The following CSMD3 variants were observed in gnomAD, a reference collection of about 807,000 sequenced individuals.
CSMD3 encodes CUB and Sushi multiple domains 3.
CSMD3 carries 177 observed loss-of-function variants against 435.2 expected under a neutral mutation model. The observed-to-expected ratio is 0.41, with a 90% confidence interval of 0.36 to 0.46. The LOEUF (loss-of-function observed/expected upper bound fraction) is 0.46, where lower values mean the gene tolerates loss of function less well. CSMD3 is among the 20% of genes least tolerant of loss of function. CSMD3 has a pLI of 0.34. For synonymous variants in CSMD3, 1,656 were observed against 1,520.5 expected (o/e 1.09, Z -2.07); for missense variants, 4,265 against 4,504.6 (o/e 0.95, Z 1.52).
At chr8:113,025,150 C>A (rs2086828709) in intron 5 of CSMD3, among the ~76,000 whole-genome samples, 1 of 152,012 alleles carries the variant, frequency 6.6e-6, no homozygotes, top group East Asian at 1.9e-4. Flanking sequence ...CTTTTGTGTT[C>A]CTTTGGAAGG....
rs141864323 is a variant in CSMD3 at position 112,467,596 on chromosome 8, C to T, written c.5395+4995G>A. Among the ~76,000 whole-genome samples, 151 of 152,000 alleles carry T rather than the reference C, an allele frequency of 9.9e-4. 1 individual carries two copies. The highest frequency in any genetic ancestry group is 1.6e-3 in the Non-Finnish European group (111 of 67,968). On this transcript the variant is annotated intron_variant, in intron 32 of 70. Coordinates refer to ENST00000297405, the MANE Select transcript of CSMD3 (RefSeq NM_198123.2). ...CAAAATTTATGTTCACCAAGAAGCC[C>T]GGAATGTCACCATATCTGGAAACAG...
At chr8:113,026,238 C>T (rs1473109778) in intron 5 of CSMD3, among the ~76,000 whole-genome samples, 1 of 152,202 alleles carries the variant, frequency 6.6e-6, no homozygotes, top group Non-Finnish European at 1.5e-5. Flanking sequence ...AAAGAAGTCT[C>T]TCCCATCCCC....
intron 32 of CSMD3, among the ~76,000 whole-genome samples, chr8:112,410,704 A>ATATATATATGTATATATATATGTGTG (rs1811229860): frequency 1.7e-5 from 2 of 116,216 alleles, no homozygotes; most frequent in South Asian, 2.6e-4. Context: ...ATATATGTGT[A>ATATATATATGTATATATATATGTGTG]TATATATATA....
chr8:112,398,593 G>A (rs1042123578), intron 35 of CSMD3, among the ~76,000 whole-genome samples: 4 of 152,140 alleles, frequency 2.6e-5, no homozygotes, highest in African/African-American at 9.7e-5. Flanking sequence ...ATTGGGTACC[G>A]AGCATGGTGA....
At chr8:113,395,836 A>T (rs1003316303) in intron 1 of CSMD3, among the ~76,000 whole-genome samples, 6 of 152,068 alleles carry the variant, frequency 3.9e-5, no homozygotes, top group African/African-American at 1.4e-4. Context: ...ATTTGAAATT[A>T]CCTTAAATTA....
chr8:113,057,385 G>A (rs1191485629), intron 5 of CSMD3, among the ~76,000 whole-genome samples: 1 of 152,016 alleles, frequency 6.6e-6, no homozygotes, highest in African/African-American at 2.4e-5. Flanking sequence ...TGAAAAGAAT[G>A]TTTAGTATCA....
intron 1 of CSMD3, among the ~76,000 whole-genome samples, chr8:113,378,609 G>A (rs1445185718): frequency 5.3e-5 from 8 of 152,214 alleles, no homozygotes; most frequent in Non-Finnish European, 1.0e-4. Flanking sequence ...AACCTAAAAA[G>A]AGCCTTGTTT....
chr8:113,346,708 A>C (rs1452552393), intron 1 of CSMD3, among the ~76,000 whole-genome samples: 2 of 122,310 alleles, frequency 1.6e-5, no homozygotes, highest in African/African-American at 5.4e-5. Flanking sequence ...AAAATATCTG[A>C]GAGAAATACA....
chr8:112,501,742 T>G (rs150386679), intron 30 of CSMD3, among the ~76,000 whole-genome samples: 2 of 152,226 alleles, frequency 1.3e-5, no homozygotes, highest in Non-Finnish European at 2.9e-5. Context: ...TGTAAAAGAA[T>G]GTTCATTTCA....
chr8:113,154,692 AG>A (rs1208608734), intron 4 of CSMD3, among the ~76,000 whole-genome samples: 1 of 152,066 alleles, frequency 6.6e-6, no homozygotes, highest in Non-Finnish European at 1.5e-5. Context: ...AGTGGATAAA[AG>A]AATGGAATGC....
intron 23 of CSMD3, among the ~76,000 whole-genome samples, chr8:112,575,744 C>G (rs762592819): frequency 6.6e-6 from 1 of 152,052 alleles, no homozygotes; most frequent in Non-Finnish European, 1.5e-5. Context: ...GAATAGTAGT[C>G]ATTGGGATAA....
intron 1 of CSMD3, among the ~76,000 whole-genome samples, chr8:113,403,456 A>T (rs536672927): frequency 1.0e-3 from 159 of 151,464 alleles, no homozygotes; most frequent in Non-Finnish European, 1.8e-3. Context: ...AAAATGCAGA[A>T]ATTTTGAAAA....
In CSMD3 at chr8:112,632,884, G is replaced by A. The variant is rs1385241646; in HGVS notation, c.3715+3933C>T. 2.0e-5 allele frequency among the ~76,000 whole-genome samples: 3 copies of A among 151,626 alleles called. No individual in the cohort carries two copies. In the East Asian group the frequency reaches 5.8e-4, roughly 29 times the overall value. On this transcript the variant is annotated intron_variant, in intron 22 of 70. Transcript: ENST00000297405. ...GGGTATTTGGTTGCCACTTAAACAA[G>A]TGATCAGATATTCATTCCTGAGAAA...
chr8:112,872,747 T>C (rs539708779), intron 10 of CSMD3, among the ~76,000 whole-genome samples: 6 of 152,120 alleles, frequency 3.9e-5, no homozygotes, highest in Admixed American at 1.3e-4. Context: ...TTTATTATGC[T>C]TTTCATAAAA....
intron 1 of CSMD3, among the ~76,000 whole-genome samples, chr8:113,402,660 G>T (rs1049227736): frequency 2.0e-4 from 30 of 151,060 alleles, no homozygotes; most frequent in Non-Finnish European, 3.0e-5. Context: ...TCTTATAGGG[G>T]AGCTTAAAGG....
intron 4 of CSMD3, among the ~76,000 whole-genome samples, chr8:113,120,220 C>G (rs922224040): frequency 1.3e-5 from 2 of 151,990 alleles, no homozygotes; most frequent in African/African-American, 4.8e-5. Context: ...ATATGACATA[C>G]AGAAAGCTCC....
chr8:113,257,327 C>T (rs12545492), intron 3 of CSMD3, among the ~76,000 whole-genome samples: 37,927 of 152,030 alleles, frequency 0.25, 6,009 homozygotes, highest in East Asian at 0.7. Flanking sequence ...AGGAGAATGG[C>T]GTGAACCCAG....
intron 59 of CSMD3, among the ~76,000 whole-genome samples, chr8:112,274,922 T>A (rs7012192): frequency 0.42 from 64,530 of 151,946 alleles, 14,353 homozygotes; most frequent in Middle Eastern, 0.53. Context: ...GTTGTTTAAC[T>A]ACGCTGCGTG....
chr8:112,984,073 G>GA (rs900812259), intron 6 of CSMD3, among the ~76,000 whole-genome samples: 2 of 150,650 alleles, frequency 1.3e-5, no homozygotes, highest in Admixed American at 6.6e-5. Flanking sequence ...TGTTGGAGGG[G>GA]AAAAAAAACT....
Sources: gnomAD v4.1 joint callset for allele counts (sites outside exome capture counted in the v4.1 genomes callset) on GRCh38, gnomAD v4.1.1 for gene constraint, MANE v1.5 for transcripts, NCBI Gene and HGNC (gene_info 2026-07-23, HGNC 2026-07-21) for gene names.